MARCHF11: variants seen among roughly 807,000 people sequenced by gnomAD.
The protein encoded by MARCHF11 is E3 ubiquitin-protein ligase MARCHF11.
Under a neutral mutation model 37.3 loss-of-function variants are expected in MARCHF11, and 29 were observed. That is an observed-to-expected ratio of 0.78 (90% confidence interval 0.58 to 1.06). MARCHF11 has a LOEUF of 1.06. Ranked by LOEUF, MARCHF11 falls within the 50% of genes least tolerant of loss-of-function variation. The pLI, the probability that MARCHF11 is intolerant of heterozygous loss-of-function variation, is 0.00. For missense variants in MARCHF11, 482 were observed against 533.4 expected (o/e 0.90, Z 0.95); for synonymous variants, 233 against 228.0 (o/e 1.02, Z -0.20).
intron 2 of MARCHF11, among the ~76,000 whole-genome samples, chr5:16,167,276 A>G (rs186645566): frequency 9.2e-5 from 14 of 152,160 alleles, no homozygotes; most frequent in Non-Finnish European, 5.9e-5. Context: ...CAAAAGAGCC[A>G]AGATTGTGGT....
chr5:16,088,923 G>C (rs1231737087), intron 3 of MARCHF11, among the ~76,000 whole-genome samples: 1 of 151,914 alleles, frequency 6.6e-6, no homozygotes, highest in East Asian at 1.9e-4. Context: ...TTATAAAATG[G>C]GCAAATGCTC....
Position 16,090,996 on chromosome 5 carries a change from G to A in MARCHF11, c.779C>T (p.Thr260Ile). The A allele has an allele frequency of 6.2e-7, 1 of 1,612,320 alleles. No homozygotes were observed. The highest frequency in any genetic ancestry group is 8.5e-7 in the Non-Finnish European group (1 of 1,179,316). ...LGSLFLIASV[T>I]WLLWSAFSPY... is the part of the protein sequence containing the mutation. ...GCTGAAGGCTGACCAGAGGAGCCAA[G>A]TCACACTGGCTATTAAGAACAGGGA... The change falls in exon 3 of 4, where the codon ACT becomes ATT. Residue 260 changes from threonine (T) to isoleucine (I), a missense_variant. Physicochemically the swap from Thr to Ile is moderately conservative, Grantham distance 89. Transcript: ENST00000332432.
chr5:16,128,750 T>G (rs571122186), intron 2 of MARCHF11, among the ~76,000 whole-genome samples: 3 of 152,198 alleles, frequency 2.0e-5, no homozygotes, highest in African/African-American at 7.2e-5. Flanking sequence ...ACTTGACTGT[T>G]TGTGTGTGTG....
At chr5:16,090,029 C>T (rs1736765570) in intron 3 of MARCHF11, among the ~76,000 whole-genome samples, 1 of 152,188 alleles carries the variant, frequency 6.6e-6, no homozygotes, top group South Asian at 2.1e-4. Context: ...CTGTAAAACC[C>T]AGATGGCTGG....
At chr5:16,169,332 A>G (rs1218689523) in intron 2 of MARCHF11, among the ~76,000 whole-genome samples, 1 of 110,306 alleles carries the variant, frequency 9.1e-6, no homozygotes. Context: ...CAGTATACCG[A>G]AAAGAGAAGA....
At chr5:16,099,815 T>C (rs984950786) in intron 2 of MARCHF11, among the ~76,000 whole-genome samples, 1 of 152,194 alleles carries the variant, frequency 6.6e-6, no homozygotes, top group Non-Finnish European at 1.5e-5. Flanking sequence ...GGATGGTGTC[T>C]TGACAAGAGA....
chr5:16,119,127 C>T (rs1437393460), intron 2 of MARCHF11, among the ~76,000 whole-genome samples: 2 of 152,018 alleles, frequency 1.3e-5, no homozygotes, highest in Admixed American at 6.6e-5. Flanking sequence ...CTTTGGGAGG[C>T]CGAGGTGGGT....
chr5:16,072,510 C>G (rs1258956859), intron 3 of MARCHF11, among the ~76,000 whole-genome samples: 1 of 146,620 alleles, frequency 6.8e-6, no homozygotes, highest in Admixed American at 6.9e-5. Context: ...CTCTCTCACT[C>G]TGTGTGTGTG....
At chr5:16,110,652 G>T (rs982922289) in intron 2 of MARCHF11, among the ~76,000 whole-genome samples, 1 of 152,116 alleles carries the variant, frequency 6.6e-6, no homozygotes, top group Non-Finnish European at 1.5e-5. Context: ...ACACCTAATG[G>T]CCAACATAAT....
At chr5:16,170,747 C>G (rs1200813826) in intron 2 of MARCHF11, among the ~76,000 whole-genome samples, 1 of 152,130 alleles carries the variant, frequency 6.6e-6, no homozygotes, top group African/African-American at 2.4e-5. Flanking sequence ...GCTCTAAAAC[C>G]TGTCCCGCTC....
At chr5:16,172,010 C>T (rs1336127146) in intron 2 of MARCHF11, among the ~76,000 whole-genome samples, 2 of 152,116 alleles carry the variant, frequency 1.3e-5, no homozygotes, top group African/African-American at 4.8e-5. Context: ...AGGGTATCAC[C>T]TATAGGGTAC....
At chr5:16,088,768 T>C (rs990990454) in intron 3 of MARCHF11, among the ~76,000 whole-genome samples, 2 of 152,098 alleles carry the variant, frequency 1.3e-5, no homozygotes, top group Non-Finnish European at 2.9e-5. Flanking sequence ...AATATACAAA[T>C]AGATCATGGA....
chr5:16,070,703 T>C (rs1004997189), intron 3 of MARCHF11, among the ~76,000 whole-genome samples: 2 of 152,234 alleles, frequency 1.3e-5, no homozygotes, highest in African/African-American at 2.4e-5. Context: ...CAGGTCTTTA[T>C]AGTACATTTT....
At chr5:16,084,578 T>C (rs148278588) in intron 3 of MARCHF11, among the ~76,000 whole-genome samples, 3 of 151,602 alleles carry the variant, frequency 2.0e-5, no homozygotes, top group Non-Finnish European at 2.9e-5. Context: ...AGGAGATGGA[T>C]GTTGCAGTGG....
chr5:16,115,630 C>CTT (rs5866171), intron 2 of MARCHF11, among the ~76,000 whole-genome samples: 1 of 143,586 alleles, frequency 7.0e-6, no homozygotes, highest in Non-Finnish European at 1.5e-5. Flanking sequence ...AGCTTGTTTG[C>CTT]TTTTTTTTTT....
At chr5:16,154,545 T>C (rs1014038337) in intron 2 of MARCHF11, among the ~76,000 whole-genome samples, 1 of 151,882 alleles carries the variant, frequency 6.6e-6, no homozygotes, top group African/African-American at 2.4e-5. Context: ...TATCTCCCAA[T>C]TACATTGTAA....
chr5:16,075,076 A>T (rs1736495351), intron 3 of MARCHF11, among the ~76,000 whole-genome samples: 1 of 152,192 alleles, frequency 6.6e-6, no homozygotes, highest in Non-Finnish European at 1.5e-5. Context: ...ATTGGCAGTG[A>T]ATGAAGCACA....
intron 2 of MARCHF11, among the ~76,000 whole-genome samples, chr5:16,130,682 G>A (rs927320141): frequency 1.3e-5 from 2 of 152,170 alleles, no homozygotes; most frequent in African/African-American, 4.8e-5. Context: ...ATTGAATGGA[G>A]TCAGGAATGC....
chr5:16,124,448 G>A (rs925633630), intron 2 of MARCHF11, among the ~76,000 whole-genome samples: 2 of 152,102 alleles, frequency 1.3e-5, no homozygotes, highest in Non-Finnish European at 2.9e-5. Flanking sequence ...AATGTAGTGG[G>A]GACAGGATTT....
Sources: allele counts gnomAD v4.1 joint callset (sites outside exome capture counted in the v4.1 genomes callset), GRCh38; gene constraint gnomAD v4.1.1; transcripts MANE v1.5; gene names NCBI Gene and HGNC (gene_info 2026-07-23, HGNC 2026-07-21).